The following CDC42BPB variants were observed in gnomAD, a reference collection of about 807,000 sequenced individuals.
CDC42BPB encodes the protein serine/threonine-protein kinase MRCK beta.
A neutral mutation model predicts 214.9 loss-of-function variants in CDC42BPB; 37 were observed. That is an observed-to-expected ratio of 0.17 (90% CI 0.13 to 0.23). The LOEUF is 0.23. CDC42BPB is among the 10% of genes least tolerant of loss of function. The pLI is 1.00. For missense variants in CDC42BPB, 1,694 were observed against 2,227.0 expected (o/e 0.76, Z 4.82); for synonymous variants, 931 against 884.0 (o/e 1.05, Z -0.94).
At chr14:103,023,076 C>T (rs951700601) in intron 1 of CDC42BPB, among the ~76,000 whole-genome samples, 1 of 151,642 alleles carries the variant, frequency 6.6e-6, no homozygotes, top group Admixed American at 6.6e-5. Flanking sequence ...GTGATCACGG[C>T]TCACTCCCTG....
intron 13 of CDC42BPB, among the ~76,000 whole-genome samples, chr14:102,971,356 T>C (rs1893464586): frequency 6.6e-6 from 1 of 152,230 alleles, no homozygotes. Flanking sequence ...CCATGGTGCA[T>C]GTTGAGAGCT....
At chr14:102,992,743 A>G (rs1348440150) in intron 5 of CDC42BPB, among the ~76,000 whole-genome samples, 1 of 149,900 alleles carries the variant, frequency 6.7e-6, no homozygotes, top group Non-Finnish European at 1.5e-5. Flanking sequence ...GAATATACAT[A>G]TATTCAAAAA....
chr14:103,042,276 A>G (rs1888043504), intron 1 of CDC42BPB, among the ~76,000 whole-genome samples: 1 of 152,166 alleles, frequency 6.6e-6, no homozygotes, highest in South Asian at 2.1e-4. Context: ...TCTAGAATAT[A>G]CAGAGAACTC....
chr14:103,017,750 G>A (rs1286533010), intron 1 of CDC42BPB, among the ~76,000 whole-genome samples: 1 of 152,212 alleles, frequency 6.6e-6, no homozygotes, highest in Non-Finnish European at 1.5e-5. Flanking sequence ...CACACAGAAA[G>A]GAACAAGGTC....
At position 102,975,962 on chromosome 14, in the gene CDC42BPB, G is replaced by C. The variant is rs756849826; in HGVS notation, c.1308C>G (p.His436Gln). The change falls in exon 10 of 37, where the codon CAC becomes CAG. Residue 436 changes from histidine (H) to glutamine (Q), a missense_variant. Physicochemically the swap from His to Gln is conservative, Grantham distance 24. Transcript: ENST00000361246. ...KDEDVQRDLE[H>Q]SLQMEAYERR... The stretch of plus-strand genomic sequence containing the variant: ...TCTCGTAAGCTTCCATCTGCAGGCT[G>C]TGCTCCAGGTCCCGCTGCACATCCT... 1 of 1,614,222 alleles carries C rather than the reference G, an allele frequency of 6.2e-7. No individual in the cohort carries two copies. The highest frequency in any genetic ancestry group is 1.1e-5 in the South Asian group (1 of 91,088).
chr14:102,974,358 C>T (rs533094027), intron 11 of CDC42BPB: 1 of 984,456 alleles, frequency 1.0e-6, no homozygotes, highest in Non-Finnish European at 1.2e-6. Flanking sequence ...CTGTGCTGAA[C>T]AGGCTCCCTA....
chr14:103,018,351 A>G (rs1175292678), intron 1 of CDC42BPB, among the ~76,000 whole-genome samples: 1 of 152,192 alleles, frequency 6.6e-6, no homozygotes, highest in African/African-American at 2.4e-5. Flanking sequence ...TGAAGTTTCA[A>G]ACTATTTCAA....
At position 102,997,245 on chromosome 14, in the gene CDC42BPB, A is replaced by T. The variant is rs913024077; in HGVS notation, c.596+2320T>A. ...AGCAGCCTCAAGGTGGAAGACACAG[A>T]CACATGTGATGCCTGCGAAGTCCCA... On this transcript the variant is annotated intron_variant, in intron 5 of 36. Transcript: ENST00000361246. Among the ~76,000 whole-genome samples, 3 of 152,274 alleles carry T rather than the reference A, an allele frequency of 2.0e-5. 1 individual carries two copies. In the South Asian group the frequency reaches 6.2e-4, roughly 32 times the overall value.
intron 34 of CDC42BPB, 49 bp downstream of exon 34, chr14:102,939,561 G>A: frequency 1.5e-6 from 2 of 1,313,138 alleles, no homozygotes; most frequent in South Asian, 2.4e-5. Flanking sequence ...CCTGAGCGGG[G>A]AGGAGGAGAT....
In CDC42BPB at chr14:103,057,134, G is replaced by T; in HGVS notation, c.40C>A (p.Leu14Ile). The T allele has an allele frequency of 6.6e-7, 1 of 1,508,818 alleles. No homozygotes were observed. The highest frequency in any genetic ancestry group is 2.7e-5 in the East Asian group (1 of 36,672). The allele number at this position is 1,508,818 out of a possible 1,614,324, so 93.5% of individuals were successfully genotyped here. A position where few individuals can be genotyped will look rare whatever the true frequency, so the allele number is the denominator to read the frequency against. The change falls in exon 1 of 37, where the codon CTC becomes ATC. Residue 14 changes from leucine (L) to isoleucine (I), a missense_variant. Leu to Ile is a conservative substitution (Grantham distance 5). This residue lies in a region of CDC42BPB where 83 missense variants were observed against 79.9 expected (regional missense o/e 1.04). Transcript: ENST00000361246. ...TCGTTGCGCCAGGGCCCGTCCAGGA[G>T]CAGCTGCTCCAGCTTCTTGAGCCGC... Reference protein sequence around the residue: ...KVRLKKLEQLLLDGPWRNESA... With the variant: ...KVRLKKLEQLILDGPWRNESA...
intron 9 of CDC42BPB, chr14:102,976,318 T>A: frequency 1.8e-6 from 1 of 566,762 alleles, no homozygotes; most frequent in Non-Finnish European, 2.2e-6. Context: ...CACACTTAAC[T>A]ATAAATGCAA....
chr14:102,961,122 G>A (rs761775490), intron 20 of CDC42BPB, among the ~76,000 whole-genome samples: 2 of 152,002 alleles, frequency 1.3e-5, no homozygotes, highest in Non-Finnish European at 2.9e-5. Context: ...AACCCTGATC[G>A]TGCTACTGCA....
intron 5 of CDC42BPB, among the ~76,000 whole-genome samples, chr14:102,996,336 T>A (rs555409967): frequency 1.1e-3 from 166 of 152,104 alleles, no homozygotes; most frequent in African/African-American, 3.8e-3. Flanking sequence ...CAAGACTCCG[T>A]CTCAAAAAAG....
At chr14:102,979,705 G>A (rs1030201852) in intron 8 of CDC42BPB, among the ~76,000 whole-genome samples, 3 of 152,178 alleles carry the variant, frequency 2.0e-5, no homozygotes, top group African/African-American at 7.2e-5. Context: ...CAACGAAGAA[G>A]ATTTTCCTTT....
At chr14:102,983,915 T>G (rs970149737) in intron 6 of CDC42BPB, 159 bp from the exon 7 acceptor site, 1 of 984,800 alleles carries the variant, frequency 1.0e-6, no homozygotes, top group African/African-American at 1.7e-5. Context: ...TCAAGCTGAG[T>G]ATAGTGCCTC....
chr14:102,990,242 TAAAAC>T (rs200346081), intron 5 of CDC42BPB, among the ~76,000 whole-genome samples: 236 of 152,124 alleles, frequency 1.6e-3, no homozygotes, highest in African/African-American at 5.1e-3. Flanking sequence ...GAGATGGGGT[TAAAAC>T]AAAACAAAAC....
At chr14:102,983,524 A>C (rs778212602) in intron 7 of CDC42BPB, 32 bp downstream of exon 7, 64 of 1,560,976 alleles carry the variant, frequency 4.1e-5, no homozygotes, top group South Asian at 1.1e-4. Flanking sequence ...TGAGCCAGGT[A>C]CCAAAAAAAA....
rs1234783943 is a variant in CDC42BPB at position 102,975,797 on chromosome 14, G to A, written c.1394C>T (p.Thr465Ile). Residue 465 changes from threonine to isoleucine, a missense_variant, in exon 11 of 37, where the codon ACC becomes ATC. Around this residue, in one of 7 missense-constraint regions of CDC42BPB, gnomAD observed 462 missense variants for 513.5 expected, o/e 0.90. Coordinates refer to ENST00000361246, the MANE Select transcript of CDC42BPB (RefSeq NM_006035.4). ...GCCGTGGAGGGACTGCACGGTCTGG[G>A]TGGACTCTGAGGGATGGAGAGACAG... ...LELSRKLQES[T>I]QTVQSLHGSS... 1 of 1,614,194 alleles carries A rather than the reference G, an allele frequency of 6.2e-7. No individual in the cohort carries two copies. The highest frequency in any genetic ancestry group is 8.5e-7 in the Non-Finnish European group (1 of 1,180,036).
intron 20 of CDC42BPB, among the ~76,000 whole-genome samples, chr14:102,961,602 G>C (rs1222616285): frequency 1.3e-5 from 2 of 151,720 alleles, no homozygotes; most frequent in South Asian, 2.1e-4. Flanking sequence ...TGCAATCTCG[G>C]CTCACCGCAA....
Sources: gnomAD v4.1 joint callset for allele counts (sites outside exome capture counted in the v4.1 genomes callset) on GRCh38, gnomAD v4.1.1 for gene constraint, gnomAD v4.1.1 regional missense constraint, MANE v1.5 for transcripts, NCBI Gene and HGNC (gene_info 2026-07-23, HGNC 2026-07-21) for gene names.